CFAP91: variants seen among roughly 807,000 people sequenced by gnomAD.
CFAP91 encodes the protein cilia- and flagella-associated protein 91.
Under a neutral mutation model 95.9 loss-of-function variants are expected in CFAP91, and 85 were observed. The ratio of observed to expected loss-of-function variants is 0.89; its 90% confidence interval spans 0.74 to 1.06. CFAP91 has a LOEUF of 1.06. CFAP91 is among the 50% of genes least tolerant of loss of function. The probability of loss-of-function intolerance (pLI) is 0.00; values close to 1 mark genes in which losing one functional copy is unlikely to be tolerated. For missense variants in CFAP91, 962 were observed against 943.4 expected, an observed-to-expected ratio of 1.02 and a Z score of -0.26; for synonymous variants, 335 against 327.5, an observed-to-expected ratio of 1.02 and a Z score of -0.25.
intron 6 of CFAP91, among the ~76,000 whole-genome samples, chr3:119,725,394 C>G (rs1380832883): frequency 6.6e-6 from 1 of 152,240 alleles, no homozygotes; most frequent in East Asian, 1.9e-4. Flanking sequence ...TTTACATTCA[C>G]TATGGGGACA....
At chr3:119,749,269 T>A (rs968698641) in intron 16 of CFAP91, 2 of 152,220 alleles carry the variant, frequency 1.3e-5, no homozygotes, top group Admixed American at 6.5e-5. Context: ...AAGTCTGTAA[T>A]CCCAGCACTT....
rs1032668546 is a variant in CFAP91 at position 119,729,986 on chromosome 3, A to G, written c.861-234A>G. On this transcript the variant is annotated intron_variant, in intron 7 of 17. Transcript: ENST00000273390. ...TCTTTTACCCCATCTGCCTGGCATAATCTTCTTCATCCTTGAGAACTACAC... is the reference window on the plus strand; with the variant it reads ...TCTTTTACCCCATCTGCCTGGCATAGTCTTCTTCATCCTTGAGAACTACAC... Among the ~76,000 whole-genome samples the G allele has an allele frequency of 4.0e-5, 6 of 151,838 alleles. No individual in the cohort carries two copies. In the South Asian group the frequency reaches 8.3e-4, roughly 21 times the overall value.
Position 119,707,416 on chromosome 3 carries a change from A to G in CFAP91, c.214A>G (p.Arg72Gly). Residue 72 changes from arginine to glycine, a missense_variant, in exon 3 of 18, where the codon AGG (arginine) becomes GGG (glycine). Physicochemically the swap from Arg to Gly is moderately radical, Grantham distance 125. Coordinates refer to ENST00000273390, the MANE Select transcript of CFAP91 (RefSeq NM_033364.4). Reference protein sequence around the residue: ...LIRSRLRKVPRFKTMFSNLIH... With the variant: ...LIRSRLRKVPGFKTMFSNLIH... ...TCTCTAACATTAGAGAAAAGTTCCC[A>G]GGTTTAAAACCATGTTCAGTAACCT... 1 of 1,550,550 alleles carries G rather than the reference A, an allele frequency of 6.4e-7. No homozygotes were observed. The highest frequency in any genetic ancestry group is 1.8e-5 in the Admixed American group (1 of 55,860).
Position 119,732,432 on chromosome 3 carries a change from C to T in CFAP91, c.1157C>T (p.Ser386Leu). ...SRLGCFPDNNSEDFVVKNYYL... is the reference protein window; with the variant it reads ...SRLGCFPDNNLEDFVVKNYYL... ...CTTGGGTGTTTCCCAGACAACAACT[C>T]AGAGGACTTTGTAGTAAAAAACTAC... Residue 386 changes from serine to leucine, a missense_variant, in exon 9 of 18, where the codon TCA becomes TTA. Ser to Leu is a moderately radical substitution (Grantham distance 145, BLOSUM62 -2). Transcript: ENST00000273390. The T allele has an allele frequency of 6.2e-7, 1 of 1,610,448 alleles. No individual in the cohort carries two copies. The highest frequency in any genetic ancestry group is 1.7e-5 in the Admixed American group (1 of 59,258).
At chr3:119,723,258 C>T (rs2053720657) in intron 6 of CFAP91, among the ~76,000 whole-genome samples, 1 of 152,152 alleles carries the variant, frequency 6.6e-6, no homozygotes, top group African/African-American at 2.4e-5. Flanking sequence ...TAGGGGATCT[C>T]AGAAGGCAGG....
intron 16 of CFAP91, 135 bp from the exon 17 acceptor site, chr3:119,750,802 G>T: frequency 1.1e-6 from 1 of 897,958 alleles, no homozygotes; most frequent in Non-Finnish European, 1.8e-6. Flanking sequence ...AACAGAGGGA[G>T]CAGAAAGAAA....
At chr3:119,734,253 G>A (rs966309095) in intron 10 of CFAP91, among the ~76,000 whole-genome samples, 10 of 152,152 alleles carry the variant, frequency 6.6e-5, no homozygotes, top group Non-Finnish European at 1.2e-4. Flanking sequence ...GCCCATGCAT[G>A]CTTGTTTGTT....
intron 17 of CFAP91, among the ~76,000 whole-genome samples, chr3:119,760,137 G>A (rs922803596): frequency 2.0e-5 from 3 of 151,716 alleles, no homozygotes; most frequent in African/African-American, 7.3e-5. Context: ...GCCTACAAGA[G>A]TCTCACTTCA....
intron 6 of CFAP91, among the ~76,000 whole-genome samples, chr3:119,721,040 A>G (rs1056716366): frequency 4.6e-5 from 7 of 152,244 alleles, no homozygotes; most frequent in African/African-American, 1.7e-4. Flanking sequence ...GGCCAACTAT[A>G]CTAGTAAGGA....
At chr3:119,712,179 CT>C (rs1355095841) in intron 5 of CFAP91, among the ~76,000 whole-genome samples, 13 of 152,152 alleles carry the variant, frequency 8.5e-5, no homozygotes, top group African/African-American at 3.1e-4. Flanking sequence ...GGGATCATTG[CT>C]CTTTGTTACT....
intron 11 of CFAP91, among the ~76,000 whole-genome samples, chr3:119,738,932 T>A (rs2054064486): frequency 6.6e-6 from 1 of 152,224 alleles, no homozygotes; most frequent in Non-Finnish European, 1.5e-5. Flanking sequence ...TGATGTTATA[T>A]GCAATACTTG....
chr3:119,720,364 T>A (rs1234847474), intron 6 of CFAP91, among the ~76,000 whole-genome samples: 73 of 146,886 alleles, frequency 5.0e-4, no homozygotes, highest in East Asian at 4.0e-4. Flanking sequence ...GCCACTGCAC[T>A]CCAGCCTGGG....
rs4688034 is a variant in CFAP91 at position 119,741,678 on chromosome 3, G to C, written c.1680+983G>C. ...CTTTTCTGTAAGTCAATCTGAAAAAGAATCAATTTGCACAGAATTTAGTGT... is the reference window on the plus strand; with the variant it reads ...CTTTTCTGTAAGTCAATCTGAAAAACAATCAATTTGCACAGAATTTAGTGT... On this transcript the variant is annotated intron_variant, in intron 13 of 17. Transcript: ENST00000273390. 7.3e-3 allele frequency among the ~76,000 whole-genome samples: 1,107 copies of C among 152,250 alleles called. 7 individuals carry two copies. Among genetic ancestry groups the C allele is most frequent in the Middle Eastern group, 0.037 (11 of 294 alleles).
intron 14 of CFAP91, among the ~76,000 whole-genome samples, chr3:119,745,587 A>T (rs144410124): frequency 8.9e-4 from 135 of 152,370 alleles, no homozygotes; most frequent in African/African-American, 3.0e-3. Flanking sequence ...TGGATGGACC[A>T]TAGTAAACTT....
chr3:119,763,373 T>C (rs1181363199), intron 17 of CFAP91, among the ~76,000 whole-genome samples: 2 of 152,090 alleles, frequency 1.3e-5, no homozygotes, highest in Non-Finnish European at 2.9e-5. Context: ...TTGGTGGGAA[T>C]GTAAATTAGT....
intron 6 of CFAP91, among the ~76,000 whole-genome samples, chr3:119,723,987 C>T (rs996868438): frequency 2.0e-4 from 31 of 151,734 alleles, no homozygotes; most frequent in African/African-American, 7.0e-4. Flanking sequence ...TGGTGAAACC[C>T]TGTCTCTACT....
Position 119,709,896 on chromosome 3 carries a change from G to A in CFAP91, c.500+1G>A. On this transcript the variant is annotated splice_donor_variant, in intron 5 of 17. Transcript: ENST00000273390. LOFTEE classifies it high-confidence loss of function. ...TCAATGTTGTTTATGCCGTATCCAAGTAAGTAACCATTATTTGAAAACTCT... is the reference window on the plus strand; with the variant it reads ...TCAATGTTGTTTATGCCGTATCCAAATAAGTAACCATTATTTGAAAACTCT... The A allele has an allele frequency of 1.2e-6, 2 of 1,603,136 alleles. No homozygotes were observed. Among genetic ancestry groups the A allele is most frequent in the Non-Finnish European group, 1.7e-6 (2 of 1,170,470 alleles).
chr3:119,745,945 T>A (rs1436471525), intron 14 of CFAP91, among the ~76,000 whole-genome samples: 1 of 152,206 alleles, frequency 6.6e-6, no homozygotes, highest in Non-Finnish European at 1.5e-5. Context: ...GTCCCAGGCA[T>A]TATCTCAGAT....
At chr3:119,728,379 A>T (rs1486399357) in intron 7 of CFAP91, among the ~76,000 whole-genome samples, 1 of 152,158 alleles carries the variant, frequency 6.6e-6, no homozygotes, top group Non-Finnish European at 1.5e-5. Flanking sequence ...CTGTGTCAGA[A>T]CCTGCCCTCC....
Sources: allele counts gnomAD v4.1 joint callset (sites outside exome capture counted in the v4.1 genomes callset), GRCh38; gene constraint gnomAD v4.1.1; transcripts MANE v1.5; gene names NCBI Gene and HGNC (gene_info 2026-07-23, HGNC 2026-07-21).